The following TRIM2 variants were observed in gnomAD, a reference collection of about 807,000 sequenced individuals.
TRIM2 encodes tripartite motif-containing protein 2.
In TRIM2, 20 loss-of-function variants were observed where a neutral mutation model predicts 75.2. That is an observed-to-expected ratio of 0.27 (90% CI 0.19 to 0.39). TRIM2 has a LOEUF of 0.39. TRIM2 is among the 10% of genes least tolerant of loss of function. The probability of loss-of-function intolerance (pLI) is 1.00; values close to 1 mark genes in which losing one functional copy is unlikely to be tolerated. For synonymous variants in TRIM2, 373 were observed against 388.3 expected, an observed-to-expected ratio of 0.96 and a Z score of 0.46; for missense variants, 660 against 990.8, an observed-to-expected ratio of 0.67 and a Z score of 4.48.
intron 3 of TRIM2, among the ~76,000 whole-genome samples, chr4:153,283,642 CTTT>C (rs766776861): frequency 3.2e-5 from 4 of 124,558 alleles, no homozygotes; most frequent in Non-Finnish European, 4.9e-5. Context: ...TGTTTTTTTT[CTTT>C]TTTTTTTTTT....
At chr4:153,198,478 C>A (rs1291416408) in intron 1 of TRIM2, among the ~76,000 whole-genome samples, 1 of 152,200 alleles carries the variant, frequency 6.6e-6, no homozygotes, top group Non-Finnish European at 1.5e-5. Flanking sequence ...GATTACGAGA[C>A]CTCCCCAGCC....
At chr4:153,327,168 G>A (rs572572846) in intron 10 of TRIM2, among the ~76,000 whole-genome samples, 1 of 152,268 alleles carries the variant, frequency 6.6e-6, no homozygotes, top group South Asian at 2.1e-4. Context: ...TGGCATCTTA[G>A]TAAAAGCTGG....
At chr4:153,308,324 G>A in intron 6 of TRIM2, 3 of 1,365,206 alleles carry the variant, frequency 2.2e-6, no homozygotes, top group South Asian at 1.2e-5. Context: ...ACATTTCCTT[G>A]TAGACTCTGT....
intron 1 of TRIM2, among the ~76,000 whole-genome samples, chr4:153,225,917 C>T (rs950017848): frequency 6.6e-6 from 1 of 152,200 alleles, no homozygotes; most frequent in African/African-American, 2.4e-5. Context: ...GTCACCCAAA[C>T]TTCAGTGCAG....
At chr4:153,266,640 CTT>C (rs35140648) in intron 1 of TRIM2, among the ~76,000 whole-genome samples, 4 of 131,214 alleles carry the variant, frequency 3.0e-5, no homozygotes, top group African/African-American at 3.0e-5. Context: ...TGTGCCCGAC[CTT>C]TTTTTTTTTT....
intron 1 of TRIM2, among the ~76,000 whole-genome samples, chr4:153,243,487 C>G (rs1024761655): frequency 6.6e-6 from 1 of 152,194 alleles, no homozygotes; most frequent in Admixed American, 6.5e-5. Context: ...ATCCCAGATC[C>G]TCACTTTTTG....
At chr4:153,173,568 A>G (rs1490139951) in intron 1 of TRIM2, among the ~76,000 whole-genome samples, 1 of 151,176 alleles carries the variant, frequency 6.6e-6, no homozygotes, top group Non-Finnish European at 1.5e-5. Flanking sequence ...AGGCTGAGGC[A>G]AGCAGAATCG....
intron 1 of TRIM2, among the ~76,000 whole-genome samples, chr4:153,244,179 T>C (rs142088234): frequency 0.15 from 20,414 of 138,446 alleles, 2,752 homozygotes; most frequent in African/African-American, 0.32. Context: ...TTCTTCTTCT[T>C]CTCCTCCTTC....
intron 1 of TRIM2, among the ~76,000 whole-genome samples, chr4:153,256,907 C>CTGTTTGTT (rs139703340): frequency 0.013 from 1,941 of 151,834 alleles, 25 homozygotes; most frequent in African/African-American, 0.044. Flanking sequence ...TGGAACTGGA[C>CTGTTTGTT]TGTTTGTTTG....
chr4:153,244,288 C>T (rs1390332358), intron 1 of TRIM2, among the ~76,000 whole-genome samples: 1 of 34,690 alleles, frequency 2.9e-5, no homozygotes, highest in Non-Finnish European at 5.1e-5. Context: ...TCCTCCTCCT[C>T]CTCCTCCTCC....
intron 1 of TRIM2, among the ~76,000 whole-genome samples, chr4:153,225,496 T>G (rs1240244220): frequency 6.6e-6 from 1 of 152,268 alleles, no homozygotes; most frequent in Non-Finnish European, 1.5e-5. Context: ...CATTATTTCT[T>G]ATACTTTTAC....
chr4:153,279,492 A>G (rs572263738), intron 3 of TRIM2, among the ~76,000 whole-genome samples: 20 of 152,280 alleles, frequency 1.3e-4, no homozygotes, highest in African/African-American at 4.8e-4. Flanking sequence ...ATAATAGAAA[A>G]TTGGACTATT....
At chr4:153,187,903 C>T (rs112647111) in intron 1 of TRIM2, among the ~76,000 whole-genome samples, 115 of 152,302 alleles carry the variant, frequency 7.6e-4, no homozygotes, top group African/African-American at 2.6e-3. Flanking sequence ...GAGTGCACAA[C>T]GTCCTATTAT....
At chr4:153,274,423 C>T (rs1424389698) in intron 2 of TRIM2, among the ~76,000 whole-genome samples, 2 of 152,112 alleles carry the variant, frequency 1.3e-5, no homozygotes, top group Non-Finnish European at 2.9e-5. Context: ...TGCTATTCAT[C>T]AGGAATGGGA....
intron 8 of TRIM2, among the ~76,000 whole-genome samples, chr4:153,321,303 G>C (rs941531674): frequency 1.3e-5 from 2 of 152,180 alleles, no homozygotes; most frequent in African/African-American, 2.4e-5. Flanking sequence ...GGCACATAGT[G>C]GGTGCTTGGG....
intron 4 of TRIM2, 26 bp downstream of exon 4, chr4:153,293,159 A>C (rs1215633322): frequency 1.9e-6 from 3 of 1,587,132 alleles, no homozygotes; most frequent in South Asian, 2.3e-5. Flanking sequence ...CCAAACCCCC[A>C]ACTGGCTGCC....
chr4:153,177,928 A>G (rs1731639220), intron 1 of TRIM2, among the ~76,000 whole-genome samples: 1 of 151,950 alleles, frequency 6.6e-6, no homozygotes, highest in African/African-American at 2.4e-5. Flanking sequence ...CAGCCTAACG[A>G]GTAGGTGGGA....
Position 153,273,270 on chromosome 4 carries a change from C to CATTTTTTTTTTTTTTTTTT in TRIM2, c.216-2623_216-2622insATTTTTTTTTTTTTTTTTT, listed in dbSNP as rs1757187818. Among the ~76,000 whole-genome samples the CATTTTTTTTTTTTTTTTTT allele has an allele frequency of 1.0e-3, 58 of 57,390 alleles. 1 individual carries two copies. The highest frequency in any genetic ancestry group is 4.0e-3 in the African/African-American group (57 of 14,312). 37.7% of individuals were successfully genotyped at this position (57,390 alleles called of 152,430 possible). Reference sequence around the variant, plus strand: ...ACTCAGTGAGCACCTTACAGTCACTCTTTTTTTTTTTTTTTTTTTTTTTGA... The same window carrying CATTTTTTTTTTTTTTTTTT: ...ACTCAGTGAGCACCTTACAGTCACTCATTTTTTTTTTTTTTTTTTTTTTTTTTTTTTTTTTTTTTTTTGA... On this transcript the variant is annotated intron_variant, in intron 2 of 11. Coordinates refer to ENST00000338700, the MANE Select transcript of TRIM2 (RefSeq NM_015271.5).
chr4:153,329,472 A>G (rs559431821), intron 11 of TRIM2, among the ~76,000 whole-genome samples: 23 of 151,900 alleles, frequency 1.5e-4, no homozygotes, highest in Middle Eastern at 3.4e-3. Context: ...TTTTAAATCA[A>G]TGGTCTAAGC....
Sources: gnomAD v4.1 joint callset for allele counts (sites outside exome capture counted in the v4.1 genomes callset) on GRCh38, gnomAD v4.1.1 for gene constraint, MANE v1.5 for transcripts, NCBI Gene and HGNC (gene_info 2026-07-23, HGNC 2026-07-21) for gene names.